MAST4: variants seen among roughly 807,000 people sequenced by gnomAD.
MAST4 encodes the protein microtubule associated serine/threonine kinase family member 4.
In MAST4, 89 loss-of-function variants were observed where a neutral mutation model predicts 162.7. That is an observed-to-expected ratio of 0.55 (90% confidence interval 0.46 to 0.65). The LOEUF is 0.65. MAST4 is among the 30% of genes least tolerant of loss of function. The pLI, the probability that MAST4 is intolerant of heterozygous loss-of-function variation, is 0.00. For synonymous variants in MAST4, 1,479 were observed against 1,361.1 expected, an observed-to-expected ratio of 1.09 and a Z score of -1.91; for missense variants, 3,153 against 3,374.0, an observed-to-expected ratio of 0.93 and a Z score of 1.62.
At chr5:66,724,776 A>G (rs1751414025) in intron 1 of MAST4, among the ~76,000 whole-genome samples, 1 of 152,066 alleles carries the variant, frequency 6.6e-6, no homozygotes, top group Admixed American at 6.6e-5. Flanking sequence ...TACAGCAAAA[A>G]TATGGTATTA....
At chr5:67,114,473 A>G in intron 12 of MAST4, 1 of 410,628 alleles carries the variant, frequency 2.4e-6, no homozygotes, top group Non-Finnish European at 4.3e-6. Context: ...TCAGCCTGAG[A>G]ATGCCAGAGT....
At chr5:66,611,877 G>A (rs185782397) in intron 1 of MAST4, among the ~76,000 whole-genome samples, 5 of 152,230 alleles carry the variant, frequency 3.3e-5, no homozygotes, top group Admixed American at 2.0e-4. Flanking sequence ...GAAAAGTGGT[G>A]GATTATATAA....
chr5:66,659,982 C>T lies in MAST4; in HGVS notation c.363+62964C>T, dbSNP rs117487022. On this transcript the variant is annotated intron_variant, in intron 1 of 28. Coordinates refer to ENST00000403625, the MANE Select transcript of MAST4 (RefSeq NM_001164664.2). ...GCTTGTGAAGACATGCTTGTGAAGACATAGAGATGTGGTTCACTGCTATAT... is the reference window on the plus strand; with the variant it reads ...GCTTGTGAAGACATGCTTGTGAAGATATAGAGATGTGGTTCACTGCTATAT... 8.3e-4 allele frequency among the ~76,000 whole-genome samples: 126 copies of T among 151,288 alleles called. 1 individual carries two copies. In the East Asian group the frequency reaches 0.024, roughly 29 times the overall value.
chr5:66,922,241 C>T (rs1329362246), intron 4 of MAST4, among the ~76,000 whole-genome samples: 2 of 152,216 alleles, frequency 1.3e-5, no homozygotes, highest in African/African-American at 4.8e-5. Context: ...TGCTCGTCTT[C>T]CCTGCTATCA....
chr5:66,620,306 C>A (rs1743992936), intron 1 of MAST4, among the ~76,000 whole-genome samples: 1 of 151,964 alleles, frequency 6.6e-6, no homozygotes, highest in Non-Finnish European at 1.5e-5. Flanking sequence ...ATACTACTTC[C>A]CCTCCACATT....
At chr5:67,077,192 C>CT (rs111480236) in intron 5 of MAST4, among the ~76,000 whole-genome samples, 5,108 of 149,976 alleles carry the variant, frequency 0.034, 224 homozygotes, top group African/African-American at 0.1. Flanking sequence ...GTAAAATTCA[C>CT]TTTTTTTTTT....
At chr5:67,149,635 G>C in intron 24 of MAST4, 46 bp downstream of exon 24, 1 of 1,571,912 alleles carries the variant, frequency 6.4e-7, no homozygotes, top group Non-Finnish European at 8.7e-7. Context: ...TGTGCATGTG[G>C]TCCCATCCCT....
intron 3 of MAST4, among the ~76,000 whole-genome samples, chr5:66,790,992 AG>A (rs1429173931): frequency 2.0e-5 from 3 of 152,164 alleles, no homozygotes; most frequent in African/African-American, 7.2e-5. Flanking sequence ...ACACTGTCAC[AG>A]AATAATATGT....
At chr5:67,065,055 G>T (rs911066656) in intron 5 of MAST4, among the ~76,000 whole-genome samples, 2 of 152,164 alleles carry the variant, frequency 1.3e-5, no homozygotes, top group African/African-American at 2.4e-5. Flanking sequence ...TTAATAAATA[G>T]TATAAATGAC....
intron 4 of MAST4, among the ~76,000 whole-genome samples, chr5:67,051,251 C>T (rs1484748818): frequency 6.7e-6 from 1 of 150,054 alleles, no homozygotes; most frequent in Non-Finnish European, 1.5e-5. Flanking sequence ...CTTTAATTTG[C>T]CTGAGTGGAG....
intron 4 of MAST4, among the ~76,000 whole-genome samples, chr5:66,980,369 G>A (rs142092853): frequency 7.2e-5 from 11 of 152,304 alleles, no homozygotes; most frequent in Non-Finnish European, 1.0e-4. Context: ...AAAAGGATAA[G>A]CAAGACCTCA....
At chr5:67,086,247 AACAG>A (rs1439790602) in intron 5 of MAST4, among the ~76,000 whole-genome samples, 4 of 152,334 alleles carry the variant, frequency 2.6e-5, no homozygotes, top group Admixed American at 6.5e-5. Flanking sequence ...TCATTTCACA[AACAG>A]ACAGCTATTA....
intron 14 of MAST4, among the ~76,000 whole-genome samples, chr5:67,129,148 G>A (rs896032200): frequency 7.2e-5 from 11 of 152,140 alleles, no homozygotes; most frequent in Admixed American, 3.3e-4. Context: ...CACCTTGACC[G>A]TGGGTCTGAG....
At chr5:66,808,543 A>G (rs1386141256) in intron 3 of MAST4, among the ~76,000 whole-genome samples, 2 of 152,080 alleles carry the variant, frequency 1.3e-5, no homozygotes, top group African/African-American at 4.8e-5. Flanking sequence ...GGCTAATTAT[A>G]CTTTTTGTTA....
At chr5:66,726,205 C>T (rs1013585983) in intron 1 of MAST4, among the ~76,000 whole-genome samples, 49 of 152,060 alleles carry the variant, frequency 3.2e-4, no homozygotes, top group African/African-American at 1.1e-3. Flanking sequence ...ATGTTTAAGA[C>T]TTGGAGGAGG....
Position 66,899,932 on chromosome 5 carries a change from G to GTT in MAST4, c.643-11_643-10dup. ...GTTAATGCAGCATTGCTTATATATG[G>GTT]TTTTTTTTTCTTTTGCAGAAGGAGC... On this transcript the variant is annotated intron_variant, in intron 3 of 28. Transcript: ENST00000403625. The GTT allele has an allele frequency of 1.1e-5, 16 of 1,471,048 alleles. No individual in the cohort carries two copies. The highest frequency in any genetic ancestry group is 8.7e-5 in the African/African-American group (6 of 68,860). The allele number at this position is 1,471,048 out of a possible 1,614,324, so 91.1% of individuals were successfully genotyped here.
intron 1 of MAST4, among the ~76,000 whole-genome samples, chr5:66,730,199 A>G (rs1751755209): frequency 1.3e-5 from 2 of 152,168 alleles, no homozygotes; most frequent in Admixed American, 6.5e-5. Flanking sequence ...TAGATTTTAC[A>G]CATGAAGAAA....
At chr5:66,697,563 T>C (rs1423527974) in intron 1 of MAST4, among the ~76,000 whole-genome samples, 2 of 152,196 alleles carry the variant, frequency 1.3e-5, no homozygotes, top group African/African-American at 4.8e-5. Context: ...GCAAATTTTC[T>C]TCAGGCAATT....
chr5:66,916,669 A>C (rs761636790), intron 4 of MAST4, among the ~76,000 whole-genome samples: 1 of 152,122 alleles, frequency 6.6e-6, no homozygotes, highest in Non-Finnish European at 1.5e-5. Flanking sequence ...GTGTAGGTAC[A>C]TTTGCATACA....
Sources: allele counts gnomAD v4.1 joint callset (sites outside exome capture counted in the v4.1 genomes callset), GRCh38; gene constraint gnomAD v4.1.1; transcripts MANE v1.5; gene names NCBI Gene and HGNC (gene_info 2026-07-23, HGNC 2026-07-21).